Variants in TMC2 observed in about 807,000 individuals in gnomAD.
TMC2 encodes the protein transmembrane channel like 2, also known as transmembrane channel-like protein 2.
Under a neutral mutation model 105.9 loss-of-function variants are expected in TMC2, and 102 were observed. The observed-to-expected ratio is 0.96, with a 90% CI of 0.82 to 1.14. TMC2 has a LOEUF of 1.14. TMC2 is among the 50% of genes most tolerant of loss of function. The pLI is 0.00. For missense variants in TMC2, 1,093 were observed against 1,134.3 expected (o/e 0.96, Z 0.52); for synonymous variants, 402 against 422.8 (o/e 0.95, Z 0.60).
Position 2,572,181 on chromosome 20 carries a change from A to C in TMC2, c.557A>C (p.Glu186Ala). ...CTTTTTTTTTTTTTTCTAAGCAGGG[A>C]GGCCCAGGAATTTGTGGAGAAGTAT... is the stretch of plus-strand genomic sequence containing the variant. ...PMAKKLTELR[E>A]AQEFVEKYEG... Residue 186 changes from glutamate to alanine, a missense_variant and splice_region_variant, in exon 5 of 20, where the codon GAG becomes GCG. Coordinates refer to ENST00000358864, the MANE Select transcript of TMC2 (RefSeq NM_080751.3). The C allele has an allele frequency of 6.3e-7, 1 of 1,599,024 alleles. No individual in the cohort carries two copies. Among genetic ancestry groups the C allele is most frequent in the Non-Finnish European group, 8.5e-7 (1 of 1,173,618 alleles).
chr20:2,613,886 T>A (rs1175655416), intron 14 of TMC2: 1 of 167,392 alleles, frequency 6.0e-6, no homozygotes, highest in African/African-American at 2.4e-5. Flanking sequence ...GCTGTACATG[T>A]CTCTTCCACA....
intron 4 of TMC2, 48 bp from the exon 5 acceptor site, chr20:2,572,131 T>C (rs762742707): frequency 7.2e-7 from 1 of 1,390,656 alleles, no homozygotes. Context: ...AGATTTCCTC[T>C]GGTTAGGTGC....
rs369852765 is a variant in TMC2 at position 2,643,291 on chromosome 20, A to G, written c.*1940A>G. Among the ~76,000 whole-genome samples the G allele has an allele frequency of 6.6e-6, 1 of 152,310 alleles. No homozygotes were observed. Among genetic ancestry groups the G allele is most frequent in the African/African-American group, 2.4e-5 (1 of 41,568 alleles). On this transcript the variant is annotated 3_prime_UTR_variant, in exon 20 of 20. Coordinates refer to ENST00000358864, the MANE Select transcript of TMC2 (RefSeq NM_080751.3). ...CACTGTAACCCAACCAATCAGGACCAGAAGGCCCAAAGATGGCCACCACAC... is the reference window on the plus strand; with the variant it reads ...CACTGTAACCCAACCAATCAGGACCGGAAGGCCCAAAGATGGCCACCACAC...
chr20:2,595,830 G>A (rs1369271880), intron 9 of TMC2, among the ~76,000 whole-genome samples: 1 of 152,182 alleles, frequency 6.6e-6, no homozygotes, highest in Admixed American at 6.5e-5. Context: ...TACAGCCCCT[G>A]AAAGGGCAAT....
chr20:2,571,523 A>AAAAC (rs535571739), intron 4 of TMC2, among the ~76,000 whole-genome samples: 16 of 152,258 alleles, frequency 1.1e-4, no homozygotes, highest in South Asian at 8.3e-4. Context: ...AGGGTGCGGA[A>AAAAC]AAACAAACAA....
At chr20:2,571,825 C>T (rs1356258068) in intron 4 of TMC2, among the ~76,000 whole-genome samples, 4 of 152,142 alleles carry the variant, frequency 2.6e-5, no homozygotes. Flanking sequence ...CACAGTGAGA[C>T]CCTATCTCTA....
At chr20:2,639,147 G>A (rs4813577) in intron 19 of TMC2, among the ~76,000 whole-genome samples, 93,324 of 151,814 alleles carry the variant, frequency 0.61, 29,049 homozygotes, top group East Asian at 0.86. Flanking sequence ...CGCCCGCCTC[G>A]GCCTCCCAAA....
chr20:2,559,251 T>C (rs1018197841), intron 3 of TMC2, among the ~76,000 whole-genome samples: 1 of 152,234 alleles, frequency 6.6e-6, no homozygotes, highest in African/African-American at 2.4e-5. Context: ...CAGTTTCCTC[T>C]GCTGGAAATG....
In TMC2 at chr20:2,596,719, G is replaced by A. The variant is rs58381375; in HGVS notation, c.1077-432G>A. Among the ~76,000 whole-genome samples, 761 of 108,316 alleles carry A rather than the reference G, an allele frequency of 7.0e-3. 2 individuals are homozygous for A. Among genetic ancestry groups the A allele is most frequent in the African/African-American group, 0.017 (535 of 32,004 alleles). The allele number at this position is 108,316 out of a possible 152,430, so 71.1% of individuals were successfully genotyped here. A position where few individuals can be genotyped will look rare whatever the true frequency, so the allele number is the denominator to read the frequency against. ...TTTTATATCAGAAAAAAATATATAT[G>A]TGTGTGTGTGTGTGTGTGTGTGTGT... On this transcript the variant is annotated intron_variant, in intron 9 of 19. Transcript: ENST00000358864.
Position 2,616,019 on chromosome 20 carries a change from G to A in TMC2, c.1873-118G>A, listed in dbSNP as rs965805244. 1 of 694,040 alleles carries A rather than the reference G, an allele frequency of 1.4e-6. No individual in the cohort carries two copies. Among genetic ancestry groups the A allele is most frequent in the Admixed American group, 2.4e-5 (1 of 42,088 alleles). The allele number at this position is 694,040 out of a possible 1,614,324, so 43.0% of individuals were successfully genotyped here. ...GGTTCTTCTCTAGTTACCAGAGCAG[G>A]CTCTTTGGGATGGAATGGCCTTGGC... On this transcript the variant is annotated intron_variant, in intron 14 of 19. Transcript: ENST00000358864. The surrounding 1 kb of genome is among the most constrained non-coding windows in gnomAD (Gnocchi z 4.8).
chr20:2,551,393 G>A (rs1370060394), intron 2 of TMC2, among the ~76,000 whole-genome samples: 1 of 139,840 alleles, frequency 7.2e-6, no homozygotes, highest in African/African-American at 2.9e-5. Context: ...TTTTCTACTA[G>A]TTTGTGGGTT....
intron 10 of TMC2, among the ~76,000 whole-genome samples, chr20:2,601,283 T>C (rs2086349896): frequency 6.6e-6 from 1 of 152,268 alleles, no homozygotes; most frequent in African/African-American, 2.4e-5. Flanking sequence ...ATCTTGTCTA[T>C]GGTTGCTTTC....
chr20:2,554,461 T>G (rs917000770), intron 2 of TMC2, among the ~76,000 whole-genome samples: 2 of 152,198 alleles, frequency 1.3e-5, no homozygotes, highest in African/African-American at 4.8e-5. Context: ...GCTCTAATTT[T>G]TATTATTCTT....
intron 2 of TMC2, among the ~76,000 whole-genome samples, chr20:2,550,257 G>A (rs908611251): frequency 2.6e-5 from 4 of 152,158 alleles, no homozygotes; most frequent in Non-Finnish European, 5.9e-5. Flanking sequence ...GCTGAGGAGG[G>A]AGGATCACTT....
rs962555596 is a variant in TMC2 at position 2,559,696 on chromosome 20, C to T, written c.401+922C>T. Among the ~76,000 whole-genome samples, 15 of 152,242 alleles carry T rather than the reference C, an allele frequency of 9.9e-5. No individual in the cohort carries two copies. The East Asian group carries it at 2.7e-3, about 27-fold the overall frequency. Reference sequence around the variant, plus strand: ...CCACCTTTACAGAGAGGCTTTTAAACAAGGGCACTGATTTTTTTCCTGTCG... The same window carrying T: ...CCACCTTTACAGAGAGGCTTTTAAATAAGGGCACTGATTTTTTTCCTGTCG... On this transcript the variant is annotated intron_variant, in intron 3 of 19. Coordinates refer to ENST00000358864, the MANE Select transcript of TMC2 (RefSeq NM_080751.3).
intron 16 of TMC2, 53 bp downstream of exon 16, chr20:2,617,364 A>C (rs938925271): frequency 1.2e-6 from 2 of 1,605,756 alleles, no homozygotes; most frequent in Middle Eastern, 1.7e-4. Context: ...CAGTCTGCTC[A>C]GAGGGCCTCG....
intron 5 of TMC2, among the ~76,000 whole-genome samples, chr20:2,575,352 T>C (rs1161860876): frequency 6.6e-6 from 1 of 152,306 alleles, no homozygotes; most frequent in East Asian, 1.9e-4. Flanking sequence ...TTACTACACA[T>C]TTTTCAAACT....
intron 5 of TMC2, among the ~76,000 whole-genome samples, chr20:2,574,441 A>G (rs1349924476): frequency 6.6e-6 from 1 of 152,240 alleles, no homozygotes; most frequent in Non-Finnish European, 1.5e-5. Flanking sequence ...TATGCTGTAA[A>G]TCAGTTTTGG....
chr20:2,578,938 C>T (rs1271031896), intron 5 of TMC2, among the ~76,000 whole-genome samples: 3 of 152,194 alleles, frequency 2.0e-5, no homozygotes, highest in Admixed American at 1.3e-4. Context: ...GTCTCTCACT[C>T]CAGGCCTGAC....
Sources: allele counts gnomAD v4.1 joint callset (sites outside exome capture counted in the v4.1 genomes callset), GRCh38; gene constraint gnomAD v4.1.1; non-coding constraint Gnocchi (gnomAD v3.1); transcripts MANE v1.5; gene names NCBI Gene and HGNC (gene_info 2026-07-23, HGNC 2026-07-21).